CAPSL: variants seen among roughly 807,000 people sequenced by gnomAD.
The protein encoded by CAPSL is calcyphosine like, also known as calcyphosin-like protein.
A neutral mutation model predicts 21.3 loss-of-function variants in CAPSL; 17 were observed. The ratio of observed to expected loss-of-function variants is 0.80; its 90% CI spans 0.55 to 1.20. The LOEUF is 1.20. Among genes scored for constraint, CAPSL ranks in the 50% most tolerant of loss-of-function variants. The pLI is 0.00. For synonymous variants in CAPSL, 102 were observed against 89.3 expected, an observed-to-expected ratio of 1.14 and a Z score of -0.80; for missense variants, 289 against 259.3, an observed-to-expected ratio of 1.11 and a Z score of -0.79.
At chr5:35,909,802 A>T in intron 4 of CAPSL, 64 bp downstream of exon 4, 1 of 1,299,084 alleles carries the variant, frequency 7.7e-7, no homozygotes, top group Non-Finnish European at 1.1e-6. Context: ...AAGAGTTTGG[A>T]CCTATTTCCC....
intron 1 of CAPSL, among the ~76,000 whole-genome samples, chr5:35,927,250 A>G (rs751873032): frequency 5.3e-5 from 8 of 152,082 alleles, no homozygotes; most frequent in Non-Finnish European, 1.2e-4. Flanking sequence ...TCTGCAGTCC[A>G]ATTGTTCCGA....
At chr5:35,934,039 C>T (rs1337691041) in intron 1 of CAPSL, among the ~76,000 whole-genome samples, 1 of 152,170 alleles carries the variant, frequency 6.6e-6, no homozygotes, top group East Asian at 1.9e-4. Flanking sequence ...GCCATCTTCT[C>T]CCAAATGCCA....
intron 1 of CAPSL, among the ~76,000 whole-genome samples, chr5:35,929,010 C>G (rs954378453): frequency 1.3e-5 from 2 of 152,110 alleles, no homozygotes; most frequent in East Asian, 3.9e-4. Context: ...CAAGGTCACC[C>G]TCTAGTAAGA....
intron 2 of CAPSL, among the ~76,000 whole-genome samples, chr5:35,914,964 A>G (rs1300279914): frequency 6.6e-6 from 1 of 152,192 alleles, no homozygotes; most frequent in Non-Finnish European, 1.5e-5. Flanking sequence ...GAACTCTAGC[A>G]AGACTAATAA....
intron 1 of CAPSL, among the ~76,000 whole-genome samples, chr5:35,925,456 T>C (rs866320556): frequency 4.9e-4 from 74 of 152,042 alleles, no homozygotes; most frequent in African/African-American, 1.6e-3. Flanking sequence ...ATTAGGAAAG[T>C]ACAAGTATTT....
chr5:35,907,667 G>C (rs1354110779), intron 4 of CAPSL, among the ~76,000 whole-genome samples: 3 of 152,128 alleles, frequency 2.0e-5, no homozygotes, highest in African/African-American at 4.8e-5. Flanking sequence ...GGGTATTTGA[G>C]AGTTTAACCT....
At chr5:35,937,958 A>T (rs1251104222) in intron 1 of CAPSL, among the ~76,000 whole-genome samples, 1 of 151,966 alleles carries the variant, frequency 6.6e-6, no homozygotes, top group Non-Finnish European at 1.5e-5. Flanking sequence ...AACGTAAAGG[A>T]CCCCCTCAAG....
chr5:35,922,612 C>T lies in CAPSL; in HGVS notation c.1-1492G>A, dbSNP rs116333157. Among the ~76,000 whole-genome samples the T allele has an allele frequency of 7.9e-3, 1,209 of 152,282 alleles. 14 individuals are homozygous for T. Among genetic ancestry groups the T allele is most frequent in the African/African-American group, 0.026 (1,087 of 41,550 alleles). ...AGCAGAGGTTCCCTGGAACTCCAGA[C>T]GGTGGCACACCCTGCGCTTAGAGAC... On this transcript the variant is annotated intron_variant, in intron 1 of 4. Coordinates refer to ENST00000651391, the MANE Select transcript of CAPSL (RefSeq NM_001042625.2).
rs1171953994 is a variant in CAPSL, at chr5:35,909,908, T to A, written c.483A>T (p.Lys161Asn). ...GEWSEEQVFR[K>N]FLDNFDSPYD... ...AGGGTGAATCAAAGTTATCCAGAAATTTCCTAAATACTTGTTCCTCACTCC... is the reference window on the plus strand; with the variant it reads ...AGGGTGAATCAAAGTTATCCAGAAAATTCCTAAATACTTGTTCCTCACTCC... The change falls in exon 4 of 5, where the codon AAA (lysine) becomes AAT (asparagine). Residue 161 changes from lysine (K) to asparagine (N), a missense_variant. Lys to Asn is a moderately conservative substitution (Grantham distance 94). Coordinates refer to ENST00000651391, the MANE Select transcript of CAPSL (RefSeq NM_001042625.2). 6 of 1,613,704 alleles carry A rather than the reference T, an allele frequency of 3.7e-6. No homozygotes were observed. The highest frequency in any genetic ancestry group is 5.1e-6 in the Non-Finnish European group (6 of 1,179,880).
intron 2 of CAPSL, among the ~76,000 whole-genome samples, chr5:35,911,744 G>A (rs1350173888): frequency 6.6e-6 from 1 of 152,156 alleles, no homozygotes; most frequent in Non-Finnish European, 1.5e-5. Flanking sequence ...AAATAAGGGG[G>A]TGGAGCAAGA....
chr5:35,909,308 A>C (rs1035976965), intron 4 of CAPSL, among the ~76,000 whole-genome samples: 2 of 152,224 alleles, frequency 1.3e-5, no homozygotes, highest in African/African-American at 4.8e-5. Context: ...ACACTAAAGA[A>C]TAAATCAGAG....
intron 2 of CAPSL, among the ~76,000 whole-genome samples, chr5:35,916,958 C>A (rs1368976351): frequency 6.6e-6 from 1 of 152,196 alleles, no homozygotes; most frequent in South Asian, 2.1e-4. Flanking sequence ...ATTTTTGCAA[C>A]CTACTCATCT....
At chr5:35,910,177 A>G in intron 3 of CAPSL, 102 bp from the exon 4 acceptor site, 1 of 1,168,362 alleles carries the variant, frequency 8.6e-7, no homozygotes, top group South Asian at 1.5e-5. Flanking sequence ...GATGTGAAAT[A>G]ATATTTGTGT....
intron 2 of CAPSL, among the ~76,000 whole-genome samples, chr5:35,919,170 A>AAAAAAAATATATATAT (rs754098152): frequency 2.5e-4 from 30 of 121,272 alleles, no homozygotes; most frequent in Admixed American, 1.7e-3. Flanking sequence ...TAAAAAAAAA[A>AAAAAAAATATATATAT]ATATATATAT....
chr5:35,910,367 C>A lies in CAPSL; in HGVS notation c.314G>T (p.Arg105Ile). 6.2e-7 allele frequency: 1 copy of A among 1,613,232 alleles called. No homozygotes were observed. The highest frequency in any genetic ancestry group is 8.5e-7 in the Non-Finnish European group (1 of 1,179,654). Residue 105 changes from arginine to isoleucine, a missense_variant and splice_region_variant, in exon 3 of 5, where the codon AGA becomes ATA. Physicochemically the swap from Arg to Ile is moderately conservative, Grantham distance 97. Transcript: ENST00000651391. ...ACACTGATTAATGGGGCCACTTACT[C>A]TTAATGTGAGAAGAAATTCATTGAA... ...IDFNEFLLTL[R>I]PPMSRARKEV...
At chr5:35,937,915 C>G (rs1738994752) in intron 1 of CAPSL, among the ~76,000 whole-genome samples, 1 of 151,674 alleles carries the variant, frequency 6.6e-6, no homozygotes, top group African/African-American at 2.4e-5. Context: ...ATAGAGATGG[C>G]TGCCTGGGTC....
At chr5:35,907,619 T>C (rs1760708696) in intron 4 of CAPSL, among the ~76,000 whole-genome samples, 1 of 152,174 alleles carries the variant, frequency 6.6e-6, no homozygotes, top group Non-Finnish European at 1.5e-5. Context: ...ATTTATGACA[T>C]CAAATTCCGT....
At chr5:35,907,568 C>T (rs935870964) in intron 4 of CAPSL, among the ~76,000 whole-genome samples, 13 of 152,266 alleles carry the variant, frequency 8.5e-5, no homozygotes, top group African/African-American at 3.1e-4. Context: ...ATCCAAATGG[C>T]TTCCGGCTGC....
rs138452931 is a variant in CAPSL at position 35,933,190 on chromosome 5, C to T, written c.-1+5351G>A. ...AGATAAGAACAACAGTAATAGGAAA[C>T]ATTTACTGCACACTTACTCTGTCCC... is the stretch of plus-strand genomic sequence containing the variant. On this transcript the variant is annotated intron_variant, in intron 1 of 4. Transcript: ENST00000651391. Among the ~76,000 whole-genome samples, 163 of 152,244 alleles carry T rather than the reference C, an allele frequency of 1.1e-3. 2 individuals are homozygous for T. In the East Asian group the frequency reaches 0.028, roughly 26 times the overall value.
Sources: gnomAD v4.1 joint callset for allele counts (sites outside exome capture counted in the v4.1 genomes callset) on GRCh38, gnomAD v4.1.1 for gene constraint, MANE v1.5 for transcripts, NCBI Gene and HGNC (gene_info 2026-07-23, HGNC 2026-07-21) for gene names.